RAP1GAP2: variants seen among roughly 807,000 people sequenced by gnomAD.
RAP1GAP2 encodes the protein RAP1 GTPase activating protein 2.
RAP1GAP2 carries 27 observed loss-of-function variants against 95.0 expected under a neutral mutation model. The ratio of observed to expected loss-of-function variants is 0.28; its 90% CI spans 0.21 to 0.39. The LOEUF is 0.39. Among genes scored for constraint, RAP1GAP2 ranks in the 10% least tolerant of loss-of-function variants. RAP1GAP2 has a pLI of 1.00. For synonymous variants in RAP1GAP2, 373 were observed against 380.9 expected (o/e 0.98, Z 0.24); for missense variants, 771 against 970.0 (o/e 0.79, Z 2.72).
chr17:2,827,593 AG>A lies in RAP1GAP2; in HGVS notation c.80+27045del. Among the ~76,000 whole-genome samples the A allele has an allele frequency of 6.6e-6, 1 of 151,334 alleles. No individual in the cohort carries two copies. The highest frequency in any genetic ancestry group is 1.5e-5 in the Non-Finnish European group (1 of 67,986). On this transcript the variant is annotated intron_variant, in intron 2 of 24. Transcript: ENST00000254695. This position sits in a 1 kb window ranked among gnomAD's most constrained non-coding sequence, Gnocchi z 4.1. The stretch of plus-strand genomic sequence containing the variant: ...GAGGCCAAGGCGGGTGGATCACCTG[AG>A]GTCAGGGGTTCAAGACCAGCCTGGA...
chr17:2,922,580 G>A (rs1309352513), intron 3 of RAP1GAP2, among the ~76,000 whole-genome samples: 2 of 152,154 alleles, frequency 1.3e-5, no homozygotes, highest in Non-Finnish European at 1.5e-5. Context: ...TGTGTGTGAG[G>A]TACAGGGTGT....
intron 3 of RAP1GAP2, among the ~76,000 whole-genome samples, chr17:2,916,500 C>G (rs2042573231): frequency 6.6e-6 from 1 of 152,170 alleles, no homozygotes; most frequent in African/African-American, 2.4e-5. Context: ...AGTGGCAGAG[C>G]CAGGATGTGG....
intron 4 of RAP1GAP2, among the ~76,000 whole-genome samples, chr17:2,961,826 C>A (rs2044341973): frequency 6.6e-6 from 1 of 151,748 alleles, no homozygotes; most frequent in South Asian, 2.1e-4. Flanking sequence ...AGAGCGCTGG[C>A]TCCGACACCA....
intron 8 of RAP1GAP2, among the ~76,000 whole-genome samples, chr17:2,977,963 A>G (rs906948495): frequency 3.9e-5 from 6 of 152,082 alleles, no homozygotes; most frequent in Non-Finnish European, 5.9e-5. Context: ...TGGATGCCCA[A>G]AATGTCAGAT....
rs1234062738 is a variant in RAP1GAP2, at chr17:3,003,082, A to G, written c.1201-2287A>G. 6.6e-6 allele frequency among the ~76,000 whole-genome samples: 1 copy of G among 152,100 alleles called. No homozygotes were observed. Among genetic ancestry groups the G allele is most frequent in the East Asian group, 1.9e-4 (1 of 5,180 alleles). On this transcript the variant is annotated intron_variant, in intron 14 of 24. Transcript: ENST00000254695. This position sits in a 1 kb window ranked among gnomAD's most constrained non-coding sequence, Gnocchi z 4.1. ...TAGACGCACAGTCTTGAATCCTGACAAGCCCCTGGTGAGACAAGACCTCTC... is the reference window on the plus strand; with the variant it reads ...TAGACGCACAGTCTTGAATCCTGACGAGCCCCTGGTGAGACAAGACCTCTC...
At position 2,871,248 on chromosome 17, in the gene RAP1GAP2, G is replaced by T. The variant is rs758647627; in HGVS notation, c.81-34036G>T. On this transcript the variant is annotated intron_variant, in intron 2 of 24. Transcript: ENST00000254695. This position sits in a 1 kb window ranked among gnomAD's most constrained non-coding sequence, Gnocchi z 5.0. ...TGGGATTACAGGCATGAGCCACTGC[G>T]CCCAGCCAAGGGCTAAACATTTTAA... is the stretch of plus-strand genomic sequence containing the variant. 6.6e-6 allele frequency among the ~76,000 whole-genome samples: 1 copy of T among 152,220 alleles called. No individual in the cohort carries two copies. The highest frequency in any genetic ancestry group is 2.4e-5 in the African/African-American group (1 of 41,460).
chr17:2,780,087 G>T (rs891409107), intron 1 of RAP1GAP2, among the ~76,000 whole-genome samples: 1 of 152,196 alleles, frequency 6.6e-6, no homozygotes, highest in Non-Finnish European at 1.5e-5. Context: ...TTTCGCTCTT[G>T]TTGTCCAGGC....
intron 2 of RAP1GAP2, among the ~76,000 whole-genome samples, chr17:2,899,540 T>C (rs2041955753): frequency 6.6e-6 from 1 of 151,844 alleles, no homozygotes; most frequent in South Asian, 2.1e-4. Flanking sequence ...AGGTGGAGTC[T>C]CGCTCTGTCA....
rs527630044 is a variant in RAP1GAP2 at position 2,965,834 on chromosome 17, C to T, written c.596+191C>T. On this transcript the variant is annotated intron_variant, in intron 8 of 24. Coordinates refer to ENST00000254695, the MANE Select transcript of RAP1GAP2 (RefSeq NM_015085.5). This position sits in a 1 kb window ranked among gnomAD's most constrained non-coding sequence, Gnocchi z 4.7. ...GCCTAGCAGGGAGACCCACGCGCTC[C>T]ACCAGTTAGCTGACAGTCAGAGGGG... The T allele has an allele frequency of 1.2e-5, 7 of 584,232 alleles. No homozygotes were observed. The highest frequency in any genetic ancestry group is 8.2e-5 in the South Asian group (4 of 48,862). 36.2% of individuals were successfully genotyped at this position (584,232 alleles called of 1,614,324 possible).
At chr17:2,916,172 C>G (rs995871033) in intron 3 of RAP1GAP2, among the ~76,000 whole-genome samples, 1 of 152,122 alleles carries the variant, frequency 6.6e-6, no homozygotes, top group Admixed American at 6.6e-5. Context: ...GTGCCTTAGT[C>G]AAAACTCTGC....
chr17:2,789,875 C>G (rs1258401117), intron 1 of RAP1GAP2, among the ~76,000 whole-genome samples: 1 of 151,990 alleles, frequency 6.6e-6, no homozygotes, highest in African/African-American at 2.4e-5. Context: ...TACAAGCCCT[C>G]CCTTTGCAAT....
intron 2 of RAP1GAP2, among the ~76,000 whole-genome samples, chr17:2,832,471 T>A (rs1423728246): frequency 7.1e-6 from 1 of 141,588 alleles, no homozygotes; most frequent in Non-Finnish European, 1.5e-5. Context: ...GGCAGGAGAA[T>A]GGCGTGAACC....
At chr17:2,900,255 G>A (rs1386084909) in intron 2 of RAP1GAP2, among the ~76,000 whole-genome samples, 1 of 152,140 alleles carries the variant, frequency 6.6e-6, no homozygotes, top group Non-Finnish European at 1.5e-5. Flanking sequence ...CCCCAGGCTA[G>A]AACTGGTGCT....
chr17:2,891,380 A>G (rs35646278), intron 2 of RAP1GAP2, among the ~76,000 whole-genome samples: 52,615 of 151,730 alleles, frequency 0.35, 9,682 homozygotes, highest in East Asian at 0.57. Context: ...AGCTCAACCA[A>G]TCCTCCCGCC....
chr17:3,028,870 G>A (rs960668942), intron 22 of RAP1GAP2, among the ~76,000 whole-genome samples: 1 of 152,024 alleles, frequency 6.6e-6, no homozygotes, highest in African/African-American at 2.4e-5. Context: ...GCGCAATCTC[G>A]GCTCACTGCA....
At chr17:2,820,892 G>GTTTTTTTTTTTTTTTTTT (rs59814346) in intron 2 of RAP1GAP2, among the ~76,000 whole-genome samples, 1 of 104,104 alleles carries the variant, frequency 9.6e-6, no homozygotes, top group African/African-American at 4.0e-5. Flanking sequence ...CCGGATAATG[G>GTTTTTTTTTTTTTTTTTT]TTTTTTTTTT....
chr17:2,853,302 G>C (rs1434578264), intron 2 of RAP1GAP2, among the ~76,000 whole-genome samples: 1 of 152,048 alleles, frequency 6.6e-6, no homozygotes, highest in Non-Finnish European at 1.5e-5. Flanking sequence ...GCGGCCGGGA[G>C]GGGACGGGGA....
intron 17 of RAP1GAP2, among the ~76,000 whole-genome samples, chr17:3,013,557 G>T (rs556623853): frequency 6.6e-6 from 1 of 151,710 alleles, no homozygotes; most frequent in East Asian, 1.9e-4. Context: ...TGACTCCGGC[G>T]GCTGCACCAG....
rs779574227 is a variant in RAP1GAP2, at chr17:2,900,473, C to CA, written c.81-4811_81-4810insA. Among the ~76,000 whole-genome samples the CA allele has an allele frequency of 3.5e-3, 531 of 152,108 alleles. 4 individuals carry two copies. Among genetic ancestry groups the CA allele is most frequent in the Non-Finnish European group, 5.8e-3 (395 of 68,004 alleles). On this transcript the variant is annotated intron_variant, in intron 2 of 24. Coordinates refer to ENST00000254695, the MANE Select transcript of RAP1GAP2 (RefSeq NM_015085.5). ...TTCATTTTTTTGAGACGGAGTTTCGCTCTTGTTGCCCAGGCTGGAGTGCCA... is the reference window on the plus strand; with the variant it reads ...TTCATTTTTTTGAGACGGAGTTTCGCATCTTGTTGCCCAGGCTGGAGTGCCA...
Sources: gnomAD v4.1 joint callset for allele counts (sites outside exome capture counted in the v4.1 genomes callset) on GRCh38, gnomAD v4.1.1 for gene constraint, Gnocchi (gnomAD v3.1) non-coding constraint, MANE v1.5 for transcripts, NCBI Gene and HGNC (gene_info 2026-07-23, HGNC 2026-07-21) for gene names.